The following TRIM77 variants were observed in gnomAD, a reference collection of about 807,000 sequenced individuals.
The protein encoded by TRIM77 is tripartite motif-containing protein 77.
TRIM77 carries 23 observed loss-of-function variants against 31.8 expected under a neutral mutation model. The ratio of observed to expected loss-of-function variants is 0.72; its 90% confidence interval spans 0.52 to 1.02. The LOEUF (loss-of-function observed/expected upper bound fraction) is 1.02. TRIM77 is among the 50% of genes least tolerant of loss of function. TRIM77 has a pLI of 0.00. For missense variants in TRIM77, 446 were observed against 539.2 expected (o/e 0.83, Z 1.71); for synonymous variants, 159 against 183.1 (o/e 0.87, Z 1.06).
Position 89,714,281 on chromosome 11 carries a change from G to C in TRIM77, c.597G>C (p.Glu199Asp), listed in dbSNP as rs1352820623. 4 of 1,551,616 alleles carry C rather than the reference G, an allele frequency of 2.6e-6. No individual in the cohort carries two copies. Among genetic ancestry groups the C allele is most frequent in the South Asian group, 1.2e-5 (1 of 84,058 alleles). ...YLREEEQKHV[E>D]SLAREGRIIF... Reference sequence around the variant, plus strand: ...GTGAAGAAGAGCAAAAGCACGTAGAGAGCCTGGCAAGAGAAGGCAGGATAA... The same window carrying C: ...GTGAAGAAGAGCAAAAGCACGTAGACAGCCTGGCAAGAGAAGGCAGGATAA... The change falls in exon 3 of 6, where the codon GAG (glutamate) becomes GAC (aspartate). Residue 199 changes from glutamate to aspartate, a missense_variant. Transcript: ENST00000398290.
chr11:89,715,348 T>C (rs1413586668), intron 4 of TRIM77, among the ~76,000 whole-genome samples, 168 bp downstream of exon 4: 1 of 152,198 alleles, frequency 6.6e-6, no homozygotes, highest in East Asian at 1.9e-4. Context: ...AAGTGAAGGA[T>C]GGGAAGCAGT....
chr11:89,716,719 T>A (rs1464762523), intron 5 of TRIM77, among the ~76,000 whole-genome samples: 4 of 152,194 alleles, frequency 2.6e-5, no homozygotes. Flanking sequence ...TCATTACTTC[T>A]TGGCCTTTTG....
At chr11:89,715,018 GA>G (rs762268245) in intron 3 of TRIM77, 139 bp from the exon 4 acceptor site, 8 of 728,220 alleles carry the variant, frequency 1.1e-5, no homozygotes, top group Admixed American at 2.9e-5. Flanking sequence ...AAAAGAAAAT[GA>G]AAAATGCCTT....
intron 2 of TRIM77, among the ~76,000 whole-genome samples, chr11:89,712,225 T>C (rs1401873416): frequency 6.6e-6 from 1 of 152,126 alleles, no homozygotes; most frequent in Admixed American, 6.6e-5. Flanking sequence ...TAATAATAAT[T>C]GATATGTGAT....
intron 4 of TRIM77, 70 bp downstream of exon 4, chr11:89,715,250 C>A: frequency 7.1e-7 from 1 of 1,413,484 alleles, no homozygotes; most frequent in Non-Finnish European, 9.8e-7. Context: ...TGGGATCGAC[C>A]CACACTTTTA....
chr11:89,715,276 C>G lies in TRIM77; in HGVS notation c.761+96C>G, dbSNP rs78441718. On this transcript the variant is annotated intron_variant, in intron 4 of 5. Coordinates refer to ENST00000398290, the MANE Select transcript of TRIM77 (RefSeq NM_001146162.1). Reference sequence around the variant, plus strand: ...CACACTTTTAGTGAGGAATTTCTGTCTGTATTTATTCCTTTCTTATCAAAG... The same window carrying G: ...CACACTTTTAGTGAGGAATTTCTGTGTGTATTTATTCCTTTCTTATCAAAG... 9.3e-3 allele frequency: 10,513 copies of G among 1,130,044 alleles called. 143 individuals carry two copies. Among genetic ancestry groups the G allele is most frequent in the East Asian group, 0.042 (1,646 of 38,888 alleles). 70.0% of individuals were successfully genotyped at this position (1,130,044 alleles called of 1,614,324 possible). A position where few individuals can be genotyped will look rare whatever the true frequency, so the allele number is the denominator to read the frequency against.
Position 89,717,442 on chromosome 11 carries a change from A to G in TRIM77, c.923A>G (p.His308Arg). ...NHKLLFEDLR[H>R]LQCSLDDTDM... ...AAGCTTCTGTTCGAAGACCTAAGGC[A>G]TTTGCAGTGCAGCCTTGATGATACA... Residue 308 changes from histidine (H) to arginine (R), a missense_variant, in exon 6 of 6, where the codon CAT (histidine) becomes CGT (arginine). By Grantham distance (29) the His-to-Arg change is conservative (BLOSUM62 0). Around this residue, in one of 3 missense-constraint regions of TRIM77, gnomAD observed 366 missense variants for 447.9 expected, o/e 0.82. Coordinates refer to ENST00000398290, the MANE Select transcript of TRIM77 (RefSeq NM_001146162.1). 6.4e-7 allele frequency: 1 copy of G among 1,551,498 alleles called. No individual in the cohort carries two copies. The highest frequency in any genetic ancestry group is 8.7e-7 in the Non-Finnish European group (1 of 1,146,882).
At chr11:89,713,829 T>G (rs902367813) in intron 2 of TRIM77, among the ~76,000 whole-genome samples, 1 of 152,162 alleles carries the variant, frequency 6.6e-6, no homozygotes, top group Non-Finnish European at 1.5e-5. Flanking sequence ...TGTTCTCTAT[T>G]TTCCTGAGGA....
Position 89,714,397 on chromosome 11 carries a change from G to A in TRIM77, c.713G>A (p.Cys238Tyr). 2 of 1,551,444 alleles carry A rather than the reference G, an allele frequency of 1.3e-6. No individual in the cohort carries two copies. The highest frequency in any genetic ancestry group is 1.7e-6 in the Non-Finnish European group (2 of 1,146,844). Residue 238 changes from cysteine to tyrosine, a missense_variant, in exon 3 of 6, where the codon TGT (cysteine) becomes TAT (tyrosine). By Grantham distance (194) the Cys-to-Tyr change is radical (BLOSUM62 -2). Transcript: ENST00000398290. ...TATGAGAAACTGAAGGAAATGAGCT[G>A]TAAAGCAGATGTGAACCTGCCTCAG... Reference protein sequence around the residue: ...EMYEKLKEMSCKADVNLPQDL... With the variant: ...EMYEKLKEMSYKADVNLPQDL...
In TRIM77 at chr11:89,717,379, T is replaced by A; in HGVS notation, c.860T>A (p.Val287Glu). ...CATTCACTGTTTTCTTTTGCCATAG[T>A]GTATATCACCTTGGATCGTAAGATA... The part of the protein sequence containing the change: ...GVSERLNFFR[V>E]YITLDRKICS... The change falls in exon 6 of 6, where the codon GTG becomes GAG. Residue 287 changes from valine to glutamate, a missense_variant and splice_region_variant. Physicochemically the swap from Val to Glu is moderately radical, Grantham distance 121. This residue lies in a region of TRIM77 where 366 missense variants were observed against 447.9 expected (regional missense o/e 0.82). Coordinates refer to ENST00000398290, the MANE Select transcript of TRIM77 (RefSeq NM_001146162.1). 6.5e-7 allele frequency: 1 copy of A among 1,540,508 alleles called. No homozygotes were observed. The highest frequency in any genetic ancestry group is 8.8e-7 in the Non-Finnish European group (1 of 1,140,790).
chr11:89,717,758 T>C lies in TRIM77; in HGVS notation c.1239T>C (p.Tyr413=). The part of the protein sequence containing the change: ...PQGWLGVFLD[Y]ECGIVSFVNV... ...GCTGGCTAGGGGTGTTCCTGGATTATGAATGTGGGATAGTGAGCTTTGTTA... is the reference window on the plus strand; with the variant it reads ...GCTGGCTAGGGGTGTTCCTGGATTACGAATGTGGGATAGTGAGCTTTGTTA... Residue 413 remains tyrosine (Y), a synonymous_variant, in exon 6 of 6, where the codon TAT becomes TAC. Transcript: ENST00000398290. The C allele has an allele frequency of 6.4e-7, 1 of 1,551,342 alleles. No individual in the cohort carries two copies. The highest frequency in any genetic ancestry group is 8.7e-7 in the Non-Finnish European group (1 of 1,146,726).
intron 5 of TRIM77, among the ~76,000 whole-genome samples, chr11:89,716,797 C>T (rs1949164121): frequency 6.6e-6 from 1 of 152,098 alleles, no homozygotes; most frequent in South Asian, 2.1e-4. Context: ...ATAATGATAA[C>T]AGTGTCATAG....
chr11:89,713,170 G>T (rs1421970411), intron 2 of TRIM77, among the ~76,000 whole-genome samples: 3 of 150,546 alleles, frequency 2.0e-5, no homozygotes, highest in African/African-American at 2.4e-5. Context: ...TACTTAGGAC[G>T]CAGGCTGAGG....
At position 89,710,723 on chromosome 11, in the gene TRIM77, A is replaced by G; in HGVS notation, c.411+14A>G. ...GAATACTATAGGGTAAGTAAATGCT[A>G]CTGATTGCACTTTGAAATGTGAAGA... On this transcript the variant is annotated intron_variant, in intron 1 of 5. Transcript: ENST00000398290. The G allele has an allele frequency of 6.7e-7, 1 of 1,497,938 alleles. No individual in the cohort carries two copies. The highest frequency in any genetic ancestry group is 8.9e-7 in the Non-Finnish European group (1 of 1,119,298). 92.8% of individuals were successfully genotyped at this position (1,497,938 alleles called of 1,614,324 possible).
At position 89,710,436 on chromosome 11, in the gene TRIM77, A is replaced by T. The variant is rs1949113989; in HGVS notation, c.138A>T (p.Thr46=). 1 of 1,551,674 alleles carries T rather than the reference A, an allele frequency of 6.4e-7. No individual in the cohort carries two copies. Among genetic ancestry groups the T allele is most frequent in the African/African-American group, 1.4e-5 (1 of 73,058 alleles). The stretch of plus-strand genomic sequence containing the variant: ...GTCTCTGCCTCTTGTGGGAAGATAC[A>T]CTAACTCCTAATTGCTGCCCTGTGT... The part of the protein sequence containing the change: ...SPCLCLLWED[T]LTPNCCPVCR... Residue 46 remains threonine (T), a synonymous_variant, in exon 1 of 6, where the codon ACA becomes ACT. Transcript: ENST00000398290.
chr11:89,712,212 G>A (rs1339992297), intron 2 of TRIM77, among the ~76,000 whole-genome samples: 2 of 152,128 alleles, frequency 1.3e-5, no homozygotes, highest in African/African-American at 4.8e-5. Flanking sequence ...GACCAGTAGA[G>A]AATAATAATA....
chr11:89,717,639 G>C lies in TRIM77; in HGVS notation c.1120G>C (p.Gly374Arg). The change falls in exon 6 of 6, where the codon GGT becomes CGT. Residue 374 changes from glycine (G) to arginine (R), a missense_variant. Physicochemically the swap from Gly to Arg is moderately radical, Grantham distance 125. Around this residue, in one of 3 missense-constraint regions of TRIM77, gnomAD observed 366 missense variants for 447.9 expected, o/e 0.82. Transcript: ENST00000398290. ...KRNDMRLDSE[G>R]IFLLLCLKVD... ...GAATGACATGCGACTTGACTCTGAGGGTATCTTTCTACTCCTGTGTCTCAA... is the reference window on the plus strand; with the variant it reads ...GAATGACATGCGACTTGACTCTGAGCGTATCTTTCTACTCCTGTGTCTCAA... The C allele has an allele frequency of 6.4e-7, 1 of 1,551,190 alleles. No individual in the cohort carries two copies. Among genetic ancestry groups the C allele is most frequent in the Non-Finnish European group, 8.7e-7 (1 of 1,146,714 alleles).
At chr11:89,714,504 T>A in intron 3 of TRIM77, 82 bp downstream of exon 3, 1 of 989,950 alleles carries the variant, frequency 1.0e-6, no homozygotes, top group Non-Finnish European at 1.5e-6. Flanking sequence ...CTTTTTGATC[T>A]ATATTACTTT....
At chr11:89,713,599 A>G in intron 2 of TRIM77, among the ~76,000 whole-genome samples, 1 of 151,892 alleles carries the variant, frequency 6.6e-6, no homozygotes, top group East Asian at 1.9e-4. Context: ...AATGAGACAG[A>G]GAAATGGAGC....
Sources: allele counts gnomAD v4.1 joint callset (sites outside exome capture counted in the v4.1 genomes callset), GRCh38; gene constraint gnomAD v4.1.1; regional missense constraint gnomAD v4.1.1; transcripts MANE v1.5; gene names NCBI Gene and HGNC (gene_info 2026-07-23, HGNC 2026-07-21).